Variants in PEMT observed in about 807,000 individuals in gnomAD.
PEMT encodes the protein phospholipid methyltransferase.
A neutral mutation model predicts 27.4 loss-of-function variants in PEMT; 23 were observed. The observed-to-expected ratio is 0.84, with a 90% CI of 0.60 to 1.19. The LOEUF (loss-of-function observed/expected upper bound fraction) is 1.19, where lower values mean the gene tolerates loss of function less well. PEMT is among the 50% of genes most tolerant of loss of function. PEMT has a pLI of 0.00. For missense variants in PEMT, 307 were observed against 310.1 expected (o/e 0.99, Z 0.07); for synonymous variants, 137 against 139.1 (o/e 0.98, Z 0.11).
rs752347106 is a variant in PEMT, at chr17:17,512,646, T to C, written c.329A>G (p.Gln110Arg). ...CATCCTGGGCTGGCTCAGCATGGCCTGCGTGAAGCTGTGGGCAGGGGATGG... is the reference window on the plus strand; with the variant it reads ...CATCCTGGGCTGGCTCAGCATGGCCCGCGTGAAGCTGTGGGCAGGGGATGG... ...LNFLRSHCFT[Q>R]AMLSQPRMES... Residue 110 changes from glutamine to arginine, a missense_variant, in exon 4 of 7, where the codon CAG becomes CGG. Coordinates refer to ENST00000255389, the MANE Select transcript of PEMT (RefSeq NM_148172.3). This position sits in a 1 kb window ranked among gnomAD's most constrained non-coding sequence, Gnocchi z 6.3. 4 of 1,532,920 alleles carry C rather than the reference T, an allele frequency of 2.6e-6. No individual in the cohort carries two copies. The highest frequency in any genetic ancestry group is 3.5e-6 in the Non-Finnish European group (4 of 1,133,042). The allele number at this position is 1,532,920 out of a possible 1,614,324, so 95.0% of individuals were successfully genotyped here.
intron 3 of PEMT, chr17:17,518,942 C>G (rs553292084): frequency 6.6e-6 from 1 of 152,320 alleles, no homozygotes; most frequent in Non-Finnish European, 1.5e-5. Flanking sequence ...CGGGAAGCTG[C>G]TAAATGTCAC....
intron 1 of PEMT, chr17:17,578,783 G>C (rs925663350): frequency 1.3e-5 from 2 of 152,200 alleles, no homozygotes; most frequent in South Asian, 2.1e-4. Flanking sequence ...GTCAGGGGGC[G>C]GGGGGCTAGG....
chr17:17,558,830 C>T (rs929734411), intron 2 of PEMT, among the ~76,000 whole-genome samples: 3 of 152,154 alleles, frequency 2.0e-5, no homozygotes, highest in African/African-American at 7.2e-5. Flanking sequence ...ACACCCCTCC[C>T]AGAGCCTGCC....
chr17:17,547,306 G>A (rs1909326945), intron 2 of PEMT, among the ~76,000 whole-genome samples: 1 of 152,248 alleles, frequency 6.6e-6, no homozygotes, highest in African/African-American at 2.4e-5. Context: ...GCTATGGAGG[G>A]CTGCCAAGTG....
chr17:17,511,379 T>A (rs1364304660), intron 4 of PEMT, among the ~76,000 whole-genome samples: 1 of 152,212 alleles, frequency 6.6e-6, no homozygotes, highest in Non-Finnish European at 1.5e-5. Context: ...GGCCTGGCCA[T>A]GGGCGATCCA....
chr17:17,566,939 G>A (rs1910866048), intron 2 of PEMT, among the ~76,000 whole-genome samples: 1 of 152,216 alleles, frequency 6.6e-6, no homozygotes, highest in South Asian at 2.1e-4. Flanking sequence ...TCCTCAGTGT[G>A]GGAGGGATCC....
At chr17:17,570,109 G>A (rs573638830) in intron 2 of PEMT, among the ~76,000 whole-genome samples, 1 of 152,326 alleles carries the variant, frequency 6.6e-6, no homozygotes, top group East Asian at 1.9e-4. Flanking sequence ...AACACTGCCT[G>A]GACATCCATT....
intron 2 of PEMT, chr17:17,570,386 T>C: frequency 2.5e-6 from 1 of 407,850 alleles, no homozygotes; most frequent in East Asian, 1.6e-4. Context: ...TCAAGGGACA[T>C]CAGGCAATGT....
chr17:17,512,846 G>T lies in PEMT; in HGVS notation c.321-192C>A, dbSNP rs1236688987. On this transcript the variant is annotated intron_variant, in intron 3 of 6. Coordinates refer to ENST00000255389, the MANE Select transcript of PEMT (RefSeq NM_148172.3). This position sits in a 1 kb window ranked among gnomAD's most constrained non-coding sequence, Gnocchi z 6.3. ...AGGTGGGTGACAGTAACAGGGAGGG[G>T]CCCAGGCCTGTCAGATTTTTAAATT... Among the ~76,000 whole-genome samples, 1 of 152,168 alleles carries T rather than the reference G, an allele frequency of 6.6e-6. No homozygotes were observed. The highest frequency in any genetic ancestry group is 1.5e-5 in the Non-Finnish European group (1 of 68,018).
chr17:17,559,122 C>T (rs889227091), intron 2 of PEMT, among the ~76,000 whole-genome samples: 3 of 152,208 alleles, frequency 2.0e-5, no homozygotes, highest in African/African-American at 4.8e-5. Flanking sequence ...AACTGAGTCC[C>T]AGAGGCCCGG....
At chr17:17,550,291 C>T (rs1909559339) in intron 2 of PEMT, among the ~76,000 whole-genome samples, 1 of 152,196 alleles carries the variant, frequency 6.6e-6, no homozygotes, top group Admixed American at 6.5e-5. Flanking sequence ...CCTGCTGCCG[C>T]TCGGTTTCTC....
chr17:17,590,309 G>C lies in PEMT; in HGVS notation c.96+1222C>G, dbSNP rs958212390. ...ACGGTCCTGCGCTCCCTCAGGGCCAGCGGCCCATCTCCTCCTGTGCCTCCT... is the reference window on the plus strand; with the variant it reads ...ACGGTCCTGCGCTCCCTCAGGGCCACCGGCCCATCTCCTCCTGTGCCTCCT... On this transcript the variant is annotated intron_variant, in intron 1 of 6. Coordinates refer to ENST00000255389, the MANE Select transcript of PEMT (RefSeq NM_148172.3). Among the ~76,000 whole-genome samples, 3 of 152,354 alleles carry C rather than the reference G, an allele frequency of 2.0e-5. No homozygotes were observed. In the East Asian group the frequency reaches 5.8e-4, roughly 29 times the overall value.
In PEMT at chr17:17,512,430, G is replaced by A. The variant is rs1906480884; in HGVS notation, c.466+79C>T. On this transcript the variant is annotated intron_variant, in intron 4 of 6. Transcript: ENST00000255389. This position sits in a 1 kb window ranked among gnomAD's most constrained non-coding sequence, Gnocchi z 6.3. ...CTCCCACCGATGTCACGGATAGCAG[G>A]GCAGCAGCCACCTGGCCCTGCACCT... 7.5e-7 allele frequency: 1 copy of A among 1,330,468 alleles called. No homozygotes were observed. Among genetic ancestry groups the A allele is most frequent in the Non-Finnish European group, 9.9e-7 (1 of 1,010,174 alleles). 82.4% of individuals were successfully genotyped at this position (1,330,468 alleles called of 1,614,324 possible). A position where few individuals can be genotyped will look rare whatever the true frequency, so the allele number is the denominator to read the frequency against.
intron 2 of PEMT, among the ~76,000 whole-genome samples, chr17:17,531,716 C>T (rs954138853): frequency 6.9e-6 from 1 of 143,990 alleles, no homozygotes; most frequent in African/African-American, 2.6e-5. Flanking sequence ...GAAATATAAA[C>T]CTAAATCTAT....
At chr17:17,557,946 G>C (rs1399406563) in intron 2 of PEMT, among the ~76,000 whole-genome samples, 1 of 152,206 alleles carries the variant, frequency 6.6e-6, no homozygotes, top group Non-Finnish European at 1.5e-5. Context: ...ACAGAACCAT[G>C]CTTGGCTGGC....
chr17:17,585,622 C>T (rs1912203251), intron 1 of PEMT, among the ~76,000 whole-genome samples: 1 of 152,174 alleles, frequency 6.6e-6, no homozygotes, highest in African/African-American at 2.4e-5. Context: ...TTCAATTGAC[C>T]ATTTAAATTT....
Position 17,569,224 on chromosome 17 carries a change from G to A in PEMT, c.204+7696C>T, listed in dbSNP as rs150571557. 6.0e-3 allele frequency among the ~76,000 whole-genome samples: 919 copies of A among 152,332 alleles called. 12 individuals carry two copies. Among genetic ancestry groups the A allele is most frequent in the African/African-American group, 0.021 (880 of 41,574 alleles). On this transcript the variant is annotated intron_variant, in intron 2 of 6. Transcript: ENST00000255389. ...TATAGGTATCCTCTGCAGGGCCAAG[G>A]GCTGGGGCTTTGGTCTGGTTGACAG...
chr17:17,590,789 G>C (rs1392761339), intron 1 of PEMT, among the ~76,000 whole-genome samples: 1 of 152,234 alleles, frequency 6.6e-6, no homozygotes, highest in Non-Finnish European at 1.5e-5. Context: ...TTTGATAGAA[G>C]GGAGAATGCA....
Position 17,512,571 on chromosome 17 carries a change from C to A in PEMT, c.404G>T (p.Gly135Val). Residue 135 changes from glycine (G) to valine (V), a missense_variant, in exon 4 of 7, where the codon GGA becomes GTA. Coordinates refer to ENST00000255389, the MANE Select transcript of PEMT (RefSeq NM_148172.3). This position sits in a 1 kb window ranked among gnomAD's most constrained non-coding sequence, Gnocchi z 6.3. ...GGAGAGCACGAGCACGACGCCCAGT[C>A]CCAGGAGCGCGAGGCCCAGGCTGTA... is the stretch of plus-strand genomic sequence containing the variant. ...AAYSLGLALL[G>V]LGVVLVLSSF... The A allele has an allele frequency of 6.2e-7, 1 of 1,609,010 alleles. No homozygotes were observed.
Sources: allele counts gnomAD v4.1 joint callset (sites outside exome capture counted in the v4.1 genomes callset), GRCh38; gene constraint gnomAD v4.1.1; non-coding constraint Gnocchi (gnomAD v3.1); transcripts MANE v1.5; gene names NCBI Gene and HGNC (gene_info 2026-07-23, HGNC 2026-07-21).